The following ZNF654 variants were observed in gnomAD, a reference collection of about 807,000 sequenced individuals.
ZNF654 encodes the protein zinc finger protein 654.
ZNF654 carries 19 observed loss-of-function variants against 95.3 expected under a neutral mutation model. The ratio of observed to expected loss-of-function variants is 0.20; its 90% CI spans 0.14 to 0.29. ZNF654 has a LOEUF of 0.29. ZNF654 is among the 10% of genes least tolerant of loss of function. The pLI is 1.00. For synonymous variants in ZNF654, 413 were observed against 457.9 expected, an observed-to-expected ratio of 0.90 and a Z score of 1.25; for missense variants, 1,046 against 1,341.0, an observed-to-expected ratio of 0.78 and a Z score of 3.44.
chr3:88,070,299 A>C (rs1707430702), intron 1 of ZNF654, among the ~76,000 whole-genome samples: 1 of 152,142 alleles, frequency 6.6e-6, no homozygotes, highest in Non-Finnish European at 1.5e-5. Flanking sequence ...AACTTCTAAA[A>C]TAGGTGAATA....
chr3:88,096,030 T>C, intron 2 of ZNF654: 1 of 199,996 alleles, frequency 5.0e-6, no homozygotes, highest in Non-Finnish European at 9.9e-6. Flanking sequence ...CCCAGTTTGT[T>C]CTTTCCCTCT....
Position 88,126,263 on chromosome 3 carries a change from G to C in ZNF654, c.544G>C (p.Glu182Gln), listed in dbSNP as rs2107821793. 4 of 1,509,168 alleles carry C rather than the reference G, an allele frequency of 2.7e-6. No individual in the cohort carries two copies. The South Asian group carries it at 5.0e-5, about 19-fold the overall frequency. 93.5% of individuals were successfully genotyped at this position (1,509,168 alleles called of 1,614,324 possible). A position where few individuals can be genotyped will look rare whatever the true frequency, so the allele number is the denominator to read the frequency against. Residue 182 changes from glutamate (E) to glutamine (Q), a missense_variant, in exon 4 of 9, where the codon GAG becomes CAG. Physicochemically the swap from Glu to Gln is conservative, Grantham distance 29 (BLOSUM62 2). Transcript: ENST00000636215. ...CCTTAAAGCTCAGCCAGCATCTCAGGAGATAGGTACTTCAGGAGATTCAAA... is the reference window on the plus strand; with the variant it reads ...CCTTAAAGCTCAGCCAGCATCTCAGCAGATAGGTACTTCAGGAGATTCAAA... ...AVLKAQPASQ[E>Q]IVNKYLSSEN...
chr3:88,086,414 T>C lies in ZNF654; in HGVS notation c.332+12T>C. The C allele has an allele frequency of 6.7e-7, 1 of 1,483,688 alleles. No homozygotes were observed. Among genetic ancestry groups the C allele is most frequent in the East Asian group, 2.5e-5 (1 of 40,208 alleles). 91.9% of individuals were successfully genotyped at this position (1,483,688 alleles called of 1,614,324 possible). ...AGTAGCCTTGCTGTGTAAGTACTTT[T>C]TACTTCTTATAAATGCATTATTTTT... On this transcript the variant is annotated intron_variant, in intron 2 of 8. Coordinates refer to ENST00000636215, the MANE Select transcript of ZNF654 (RefSeq NM_001350134.2).
rs375415087 is a variant in ZNF654, at chr3:88,139,183, A to G, written c.1514A>G (p.Gln505Arg). 224 of 1,420,312 alleles carry G rather than the reference A, an allele frequency of 1.6e-4. No individual in the cohort carries two copies. The African/African-American group carries it at 3.0e-3, about 19-fold the overall frequency. 88.0% of individuals were successfully genotyped at this position (1,420,312 alleles called of 1,614,324 possible). A position where few individuals can be genotyped will look rare whatever the true frequency, so the allele number is the denominator to read the frequency against. ...GAAGGGTTTGACTCTCTTACAGATCAGAGCACTGGAGAGACTGATCCTGAT... is the reference window on the plus strand; with the variant it reads ...GAAGGGTTTGACTCTCTTACAGATCGGAGCACTGGAGAGACTGATCCTGAT... The part of the protein sequence containing the change: ...LDEGFDSLTD[Q>R]STGETDPDDV... Residue 505 changes from glutamine to arginine, a missense_variant, in exon 8 of 9, where the codon CAG becomes CGG. Physicochemically the swap from Gln to Arg is conservative, Grantham distance 43. Coordinates refer to ENST00000636215, the MANE Select transcript of ZNF654 (RefSeq NM_001350134.2).
At chr3:88,068,008 A>T (rs1480034710) in intron 1 of ZNF654, among the ~76,000 whole-genome samples, 1 of 152,160 alleles carries the variant, frequency 6.6e-6, no homozygotes, top group South Asian at 2.1e-4. Context: ...AAGACCCCTG[A>T]AGGGGAGTAA....
chr3:88,092,955 AGT>A (rs950634688), intron 2 of ZNF654, among the ~76,000 whole-genome samples: 2 of 152,162 alleles, frequency 1.3e-5, no homozygotes, highest in Non-Finnish European at 1.5e-5. Context: ...TTTATACTTG[AGT>A]GTTATTTCAG....
At chr3:88,090,006 C>T (rs138645912) in intron 2 of ZNF654, among the ~76,000 whole-genome samples, 35 of 152,256 alleles carry the variant, frequency 2.3e-4, no homozygotes, top group African/African-American at 7.7e-4. Context: ...CTGGTGTAAA[C>T]AAACCTACGG....
chr3:88,098,348 C>T (rs1704189581), intron 2 of ZNF654, among the ~76,000 whole-genome samples: 1 of 152,070 alleles, frequency 6.6e-6, no homozygotes, highest in Non-Finnish European at 1.5e-5. Flanking sequence ...AATAGCTTAC[C>T]AACCAAAAAG....
chr3:88,123,573 T>A (rs4485742), intron 3 of ZNF654, among the ~76,000 whole-genome samples: 119,104 of 152,014 alleles, frequency 0.78, 47,579 homozygotes, highest in South Asian at 0.91. Flanking sequence ...ATTCAGTAGG[T>A]CTAAATTAGG....
intron 2 of ZNF654, among the ~76,000 whole-genome samples, chr3:88,093,040 T>G (rs576793650): frequency 6.6e-6 from 1 of 152,344 alleles, no homozygotes; most frequent in South Asian, 2.1e-4. Flanking sequence ...TAACTTTACC[T>G]GGGTTGACTA....
At chr3:88,070,172 A>G (rs1325029218) in intron 1 of ZNF654, among the ~76,000 whole-genome samples, 1 of 152,150 alleles carries the variant, frequency 6.6e-6, no homozygotes, top group Non-Finnish European at 1.5e-5. Flanking sequence ...GTACCTTTTG[A>G]CTTAGTCATT....
At chr3:88,104,782 A>G (rs1013873179) in intron 2 of ZNF654, among the ~76,000 whole-genome samples, 1 of 152,256 alleles carries the variant, frequency 6.6e-6, no homozygotes, top group African/African-American at 2.4e-5. Context: ...AAACAGAACA[A>G]TGAATAGACA....
At chr3:88,067,350 G>C (rs1446856229) in intron 1 of ZNF654, among the ~76,000 whole-genome samples, 1 of 152,214 alleles carries the variant, frequency 6.6e-6, no homozygotes, top group Admixed American at 6.5e-5. Context: ...CTCATCCAAG[G>C]AGAGATCTTA....
chr3:88,063,878 A>G (rs1177733443), intron 1 of ZNF654, among the ~76,000 whole-genome samples: 2 of 151,998 alleles, frequency 1.3e-5, no homozygotes, highest in South Asian at 2.1e-4. Context: ...TTGAGTCCCA[A>G]CTATCACGTC....
At chr3:88,080,026 ACT>A (rs1413454433) in intron 1 of ZNF654, among the ~76,000 whole-genome samples, 2 of 151,644 alleles carry the variant, frequency 1.3e-5, no homozygotes, top group African/African-American at 4.8e-5. Flanking sequence ...TTGACAAGTG[ACT>A]CTTTTTTTTT....
At position 88,059,450 on chromosome 3, in the gene ZNF654, ACTG is replaced by A. The variant is rs1706708891; in HGVS notation, c.133_135del (p.Cys45del). On this transcript the variant is annotated inframe_deletion, in exon 1 of 9. Coordinates refer to ENST00000636215, the MANE Select transcript of ZNF654 (RefSeq NM_001350134.2). The stretch of plus-strand genomic sequence containing the variant: ...GGCAGAGGCGGCGCTGGCAGCGGCA[ACTG>A]CGGCGGCGGCGTCGGAATCAGCAGT... 1.3e-6 allele frequency: 2 copies of A among 1,519,028 alleles called. No homozygotes were observed. The highest frequency in any genetic ancestry group is 1.8e-6 in the Non-Finnish European group (2 of 1,141,190). The allele number at this position is 1,519,028 out of a possible 1,614,324, so 94.1% of individuals were successfully genotyped here. A position where few individuals can be genotyped will look rare whatever the true frequency, so the allele number is the denominator to read the frequency against.
chr3:88,123,673 T>G (rs1455100355), intron 3 of ZNF654, among the ~76,000 whole-genome samples: 1 of 152,214 alleles, frequency 6.6e-6, no homozygotes, highest in African/African-American at 2.4e-5. Context: ...GACTTAGTCC[T>G]AAGTCCAGTT....
chr3:88,134,143 T>C (rs1706628286), intron 6 of ZNF654, among the ~76,000 whole-genome samples: 1 of 151,610 alleles, frequency 6.6e-6, no homozygotes, highest in South Asian at 2.1e-4. Flanking sequence ...TGAAACTTAA[T>C]AAATAGCTAG....
At chr3:88,119,462 T>A (rs1245644164) in intron 3 of ZNF654, among the ~76,000 whole-genome samples, 3 of 147,872 alleles carry the variant, frequency 2.0e-5, no homozygotes, top group East Asian at 4.0e-4. Flanking sequence ...TTAGTGGGTG[T>A]GCGCACCAGC....
Sources: gnomAD v4.1 joint callset for allele counts (sites outside exome capture counted in the v4.1 genomes callset) on GRCh38, gnomAD v4.1.1 for gene constraint, MANE v1.5 for transcripts, NCBI Gene and HGNC (gene_info 2026-07-23, HGNC 2026-07-21) for gene names.